HEATR5A: variants seen among roughly 807,000 people sequenced by gnomAD.
HEATR5A encodes the protein HEAT repeat-containing protein 5A.
A neutral mutation model predicts 218.8 loss-of-function variants in HEATR5A; 178 were observed. That is an observed-to-expected ratio of 0.81 (90% CI 0.72 to 0.92). HEATR5A has a LOEUF of 0.92. Among genes scored for constraint, HEATR5A ranks in the 40% least tolerant of loss-of-function variants. The pLI, the probability that HEATR5A is intolerant of heterozygous loss-of-function variation, is 0.00. For missense variants in HEATR5A, 2,420 were observed against 2,418.9 expected, an observed-to-expected ratio of 1.00 and a Z score of -0.01; for synonymous variants, 864 against 871.6, an observed-to-expected ratio of 0.99 and a Z score of 0.15.
At chr14:31,374,742 A>G in intron 12 of HEATR5A, 74 bp downstream of exon 12, 1 of 1,378,838 alleles carries the variant, frequency 7.3e-7, no homozygotes, top group Non-Finnish European at 9.8e-7. Flanking sequence ...AATAAAACAT[A>G]CAAGTACATG....
At chr14:31,336,287 TCTCA>T (rs1261857343) in intron 22 of HEATR5A, among the ~76,000 whole-genome samples, 7 of 144,056 alleles carry the variant, frequency 4.9e-5, no homozygotes, top group African/African-American at 1.8e-4. Context: ...AGAGATGAGG[TCTCA>T]CTATGTTGAC....
In HEATR5A at chr14:31,293,595, A is replaced by G. The variant is rs1048038288; in HGVS notation, c.5851T>C (p.Cys1951Arg). Residue 1951 changes from cysteine (C) to arginine (R), a missense_variant, in exon 36 of 36, where the codon TGT becomes CGT. Coordinates refer to ENST00000543095, the MANE Select transcript of HEATR5A (RefSeq NM_015473.4). Reference protein sequence around the residue: ...EEHHRAQLVACLLPILISFLL... With the variant: ...EEHHRAQLVARLLPILISFLL... ...AAGGAAATGAGGATGGGCAAAAGAC[A>G]GGCCACCAGCTGAGCGCCTAGAAAG... The G allele has an allele frequency of 2.2e-5, 35 of 1,610,102 alleles. No homozygotes were observed. Among genetic ancestry groups the G allele is most frequent in the Non-Finnish European group, 2.9e-5 (34 of 1,178,622 alleles).
At chr14:31,371,434 A>C (rs968699085) in intron 13 of HEATR5A, 1 of 154,298 alleles carries the variant, frequency 6.5e-6, no homozygotes, top group Non-Finnish European at 1.4e-5. Context: ...ATATGTTCTA[A>C]TCATATACGT....
At chr14:31,393,646 G>A (rs1490765232) in intron 6 of HEATR5A, among the ~76,000 whole-genome samples, 1 of 103,574 alleles carries the variant, frequency 9.7e-6, no homozygotes, top group African/African-American at 3.3e-5. Flanking sequence ...CAATGTTTAT[G>A]AATTGAAATT....
chr14:31,362,622 A>C (rs1901660510), intron 14 of HEATR5A, among the ~76,000 whole-genome samples: 2 of 148,744 alleles, frequency 1.3e-5, no homozygotes, highest in African/African-American at 2.5e-5. Flanking sequence ...AAAAAAAAAA[A>C]AAAAAAAAAC....
rs182709162 is a variant in HEATR5A at position 31,402,026 on chromosome 14, A to G, written c.126+824T>C. 1.0e-3 allele frequency among the ~76,000 whole-genome samples: 152 copies of G among 152,194 alleles called. 2 individuals are homozygous for G. Among genetic ancestry groups the G allele is most frequent in the African/African-American group, 3.4e-3 (143 of 41,524 alleles). ...TTTTGTCTTTTGTTTTTTTTTCCCC[A>G]AATCTAGAAGTTGCTTTTTTTCCCT... On this transcript the variant is annotated intron_variant, in intron 2 of 35. Transcript: ENST00000543095.
chr14:31,417,093 A>C (rs997329008), intron 1 of HEATR5A, among the ~76,000 whole-genome samples: 3 of 152,042 alleles, frequency 2.0e-5, no homozygotes, highest in Non-Finnish European at 4.4e-5. Context: ...AACAAAAAAA[A>C]CCCTGCTTTG....
At chr14:31,337,207 T>C (rs1370964016) in intron 22 of HEATR5A, among the ~76,000 whole-genome samples, 1 of 152,208 alleles carries the variant, frequency 6.6e-6, no homozygotes, top group Non-Finnish European at 1.5e-5. Flanking sequence ...CTCCCAGATT[T>C]CTGGTTCAGT....
chr14:31,361,114 T>A (rs529724036), intron 14 of HEATR5A, among the ~76,000 whole-genome samples: 1 of 152,236 alleles, frequency 6.6e-6, no homozygotes, highest in Non-Finnish European at 1.5e-5. Flanking sequence ...GATGATCACA[T>A]AGCTGTCAGA....
intron 27 of HEATR5A, among the ~76,000 whole-genome samples, chr14:31,313,648 T>C (rs976900747): frequency 1.3e-5 from 2 of 152,200 alleles, no homozygotes; most frequent in Non-Finnish European, 2.9e-5. Flanking sequence ...CAACACAGTG[T>C]ATAACATGCA....
At chr14:31,369,112 C>T (rs1901919858) in intron 13 of HEATR5A, among the ~76,000 whole-genome samples, 1 of 151,816 alleles carries the variant, frequency 6.6e-6, no homozygotes, top group Admixed American at 6.6e-5. Flanking sequence ...GTCTAGGCAA[C>T]ATAGTGAGGC....
intron 13 of HEATR5A, among the ~76,000 whole-genome samples, chr14:31,370,401 A>T (rs1477147815): frequency 2.6e-5 from 4 of 152,178 alleles, no homozygotes; most frequent in African/African-American, 9.7e-5. Context: ...TACAATTAAA[A>T]CCATAATGAG....
At chr14:31,344,588 T>C (rs2139206959) in intron 20 of HEATR5A, among the ~76,000 whole-genome samples, 1 of 150,234 alleles carries the variant, frequency 6.7e-6, no homozygotes, top group South Asian at 2.1e-4. Flanking sequence ...TGACCTACTT[T>C]AGTTATTCTT....
Position 31,321,520 on chromosome 14 carries a change from A to G in HEATR5A, c.3948T>C (p.Ile1316=), listed in dbSNP as rs1348915033. ...TTACATTGGCTTGATACTGTTCCAGAATCACATGACCTGGAAACTCTGGTT... is the reference window on the plus strand; with the variant it reads ...TTACATTGGCTTGATACTGTTCCAGGATCACATGACCTGGAAACTCTGGTT... ...VPEPEFPGHV[I]LEQYQANVGA... Residue 1316 remains isoleucine (I), a synonymous_variant, in exon 25 of 36, where the codon ATT becomes ATC. Transcript: ENST00000543095. The G allele has an allele frequency of 6.3e-7, 1 of 1,598,464 alleles. No individual in the cohort carries two copies. The highest frequency in any genetic ancestry group is 1.1e-5 in the South Asian group (1 of 88,328).
intron 25 of HEATR5A, chr14:31,320,502 A>T: frequency 1.5e-6 from 2 of 1,308,340 alleles, no homozygotes; most frequent in Non-Finnish European, 2.2e-6. Flanking sequence ...TGGAGTGGGG[A>T]GCTGCTGTAG....
intron 24 of HEATR5A, among the ~76,000 whole-genome samples, chr14:31,322,723 G>A (rs1900146158): frequency 6.6e-6 from 1 of 151,708 alleles, no homozygotes; most frequent in African/African-American, 2.4e-5. Flanking sequence ...GGAGGCTGGG[G>A]TGGGAGGATT....
intron 13 of HEATR5A, chr14:31,371,444 T>A (rs1902033994): frequency 6.4e-6 from 1 of 155,924 alleles, no homozygotes; most frequent in African/African-American, 2.4e-5. Context: ...ATCATATACG[T>A]ATAACTCAAA....
At chr14:31,412,146 T>A (rs1431029727) in intron 1 of HEATR5A, among the ~76,000 whole-genome samples, 1 of 152,074 alleles carries the variant, frequency 6.6e-6, no homozygotes, top group African/African-American at 2.4e-5. Context: ...GTTGAGTCAC[T>A]GCATGCAGCC....
Position 31,293,027 on chromosome 14 carries a change from T to C in HEATR5A, c.*278A>G, listed in dbSNP as rs1899069856. On this transcript the variant is annotated 3_prime_UTR_variant, in exon 36 of 36. Transcript: ENST00000543095. ...TTCATTTCATTTTTAAAGCAGTGGA[T>C]TGTTTAGTAAGTTTAGTTCTTTAGC... The C allele has an allele frequency of 3.1e-6, 1 of 325,986 alleles. No individual in the cohort carries two copies. The allele number at this position is 325,986 out of a possible 1,614,324, so 20.2% of individuals were successfully genotyped here. A position where few individuals can be genotyped will look rare whatever the true frequency, so the allele number is the denominator to read the frequency against.
Sources: allele counts gnomAD v4.1 joint callset (sites outside exome capture counted in the v4.1 genomes callset), GRCh38; gene constraint gnomAD v4.1.1; transcripts MANE v1.5; gene names NCBI Gene and HGNC (gene_info 2026-07-23, HGNC 2026-07-21).